CCDC30: variants seen among roughly 807,000 people sequenced by gnomAD.
CCDC30 encodes the protein coiled-coil domain-containing protein 30.
Under a neutral mutation model 100.2 loss-of-function variants are expected in CCDC30, and 70 were observed. The observed-to-expected ratio is 0.70, with a 90% CI of 0.58 to 0.85. The LOEUF (loss-of-function observed/expected upper bound fraction) is 0.85, where lower values mean the gene tolerates loss of function less well. Among genes scored for constraint, CCDC30 ranks in the 40% least tolerant of loss-of-function variants. CCDC30 has a pLI of 0.00. For synonymous variants in CCDC30, 233 were observed against 269.5 expected, an observed-to-expected ratio of 0.86 and a Z score of 1.33; for missense variants, 652 against 771.2, an observed-to-expected ratio of 0.85 and a Z score of 1.83.
exon 7 of CCDC30, chr1:42,566,439 G>A: frequency 6.2e-7 from 1 of 1,613,836 alleles, no homozygotes; most frequent in East Asian, 2.2e-5. Flanking sequence ...TGGACTTAAA[G>A]CAACATAATA....
intron 6 of CCDC30, among the ~76,000 whole-genome samples, chr1:42,534,140 A>G (rs1644853826): frequency 6.6e-6 from 1 of 152,176 alleles, no homozygotes; most frequent in Admixed American, 6.5e-5. Flanking sequence ...TTAAATATAT[A>G]TTCTTTGGGA....
Position 42,614,282 on chromosome 1 carries a change from G to A in CCDC30, c.1277+3192G>A, listed in dbSNP as rs567790397. ...TTTTTATTACAGACAGGGTTTCACC[G>A]TGTTAGCCAGGATGGTCTCGATCTC... On this transcript the variant is annotated intron_variant, in intron 11 of 16. Transcript: ENST00000668663. Among the ~76,000 whole-genome samples, 9 of 151,548 alleles carry A rather than the reference G, an allele frequency of 5.9e-5. No homozygotes were observed. In the South Asian group the frequency reaches 1.7e-3, roughly 28 times the overall value.
chr1:42,578,820 T>C (rs1645898532), intron 8 of CCDC30, among the ~76,000 whole-genome samples: 1 of 152,014 alleles, frequency 6.6e-6, no homozygotes, highest in South Asian at 2.1e-4. Context: ...AACCCAAATG[T>C]CCCCTGGCAA....
intron 7 of CCDC30, among the ~76,000 whole-genome samples, chr1:42,570,810 A>G (rs12404980): frequency 0.38 from 58,495 of 151,958 alleles, 11,771 homozygotes; most frequent in East Asian, 0.59. Flanking sequence ...CATTTTCTTT[A>G]CAATATAGTA....
chr1:42,563,663 C>T (rs1018031924), intron 6 of CCDC30, among the ~76,000 whole-genome samples: 1 of 152,096 alleles, frequency 6.6e-6, no homozygotes, highest in African/African-American at 2.4e-5. Flanking sequence ...GGTGGATCAC[C>T]TTCAGAAGTT....
At chr1:42,528,874 G>T (rs544678278) in intron 6 of CCDC30, among the ~76,000 whole-genome samples, 1 of 152,258 alleles carries the variant, frequency 6.6e-6, no homozygotes, top group East Asian at 1.9e-4. Context: ...GGATAAATGA[G>T]CATCTGTTTT....
chr1:42,456,232 T>G, the CCDC30 span: 13 of 607,280 alleles, frequency 2.1e-5, no homozygotes, highest in African/African-American at 1.9e-4. Context: ...GAGAAACGAC[T>G]CCCAAGGAGT....
intron 6 of CCDC30, chr1:42,500,203 C>T: frequency 6.4e-7 from 1 of 1,550,406 alleles, no homozygotes; most frequent in Admixed American, 1.7e-5. Context: ...GTGCACGCCT[C>T]ATTATGATTC....
At position 42,581,347 on chromosome 1, in the gene CCDC30, T is replaced by G; in HGVS notation, c.847-13T>G. 1 of 1,588,458 alleles carries G rather than the reference T, an allele frequency of 6.3e-7. No homozygotes were observed. The highest frequency in any genetic ancestry group is 8.5e-7 in the Non-Finnish European group (1 of 1,171,676). On this transcript the variant is annotated splice_polypyrimidine_tract_variant and intron_variant, in intron 8 of 16. Transcript: ENST00000668663. ...TTCTTAATGCTTTACTTGTAAATGTTTTTTCATTCAAGATTTTGGACCTGC... is the reference window on the plus strand; with the variant it reads ...TTCTTAATGCTTTACTTGTAAATGTGTTTTCATTCAAGATTTTGGACCTGC...
At chr1:42,503,684 G>A (rs1429664646) in intron 6 of CCDC30, among the ~76,000 whole-genome samples, 1 of 152,202 alleles carries the variant, frequency 6.6e-6, no homozygotes, top group Admixed American at 6.5e-5. Flanking sequence ...CAGCTTATTT[G>A]TCTATGTCTG....
chr1:42,462,222 G>T (rs1429308408), upstream of CCDC30, among the ~76,000 whole-genome samples: 5 of 152,156 alleles, frequency 3.3e-5, no homozygotes, highest in African/African-American at 9.7e-5. Context: ...CCAGGGGGGT[G>T]GGGGAGAGTG....
At chr1:42,608,219 A>G (rs910905577) in intron 10 of CCDC30, among the ~76,000 whole-genome samples, 1 of 152,206 alleles carries the variant, frequency 6.6e-6, no homozygotes, top group Admixed American at 6.5e-5. Flanking sequence ...AAGGCTCATC[A>G]CACACGGTAC....
intron 11 of CCDC30, 100 bp downstream of exon 15, chr1:42,611,190 A>G (rs1051237370): frequency 4.9e-6 from 3 of 614,064 alleles, no homozygotes; most frequent in Admixed American, 3.0e-5. Flanking sequence ...CACTGAAGCA[A>G]CCTTTCAAGA....
intron 11 of CCDC30, among the ~76,000 whole-genome samples, chr1:42,626,145 C>G (rs571929682): frequency 2.0e-5 from 3 of 152,190 alleles, no homozygotes; most frequent in Non-Finnish European, 4.4e-5. Context: ...GTTTCAAAAT[C>G]TATTTTGTCT....
chr1:42,530,111 T>C (rs1424592241), intron 6 of CCDC30, among the ~76,000 whole-genome samples: 2 of 152,180 alleles, frequency 1.3e-5, no homozygotes, highest in African/African-American at 2.4e-5. Flanking sequence ...TCATCATGGC[T>C]CAGTGATCCA....
At chr1:42,538,790 A>G (rs1441240838) in intron 6 of CCDC30, among the ~76,000 whole-genome samples, 2 of 152,168 alleles carry the variant, frequency 1.3e-5, no homozygotes, top group South Asian at 4.1e-4. Flanking sequence ...ACCACATAGC[A>G]CTTTGTTCTA....
chr1:42,641,810 T>C (rs1409520893), intron 12 of CCDC30, among the ~76,000 whole-genome samples: 1 of 151,650 alleles, frequency 6.6e-6, no homozygotes, highest in Non-Finnish European at 1.5e-5. Flanking sequence ...AGCCGAGATA[T>C]TGCCACTGCA....
intron 11 of CCDC30, among the ~76,000 whole-genome samples, chr1:42,635,915 G>T (rs934776461): frequency 1.3e-5 from 2 of 152,068 alleles, no homozygotes; most frequent in African/African-American, 2.4e-5. Context: ...GTGTATAAGG[G>T]TTCCAATTTC....
At chr1:42,488,963 T>A (rs1309225055) in intron 3 of CCDC30, among the ~76,000 whole-genome samples, 2 of 152,198 alleles carry the variant, frequency 1.3e-5, no homozygotes, top group African/African-American at 4.8e-5. Context: ...CCAGGCAGTA[T>A]TAGACTATAT....
Sources: allele counts gnomAD v4.1 joint callset (sites outside exome capture counted in the v4.1 genomes callset), GRCh38; gene constraint gnomAD v4.1.1; transcripts MANE v1.5; gene names NCBI Gene and HGNC (gene_info 2026-07-23, HGNC 2026-07-21).